AJUBA: variants seen among roughly 807,000 people sequenced by gnomAD.
AJUBA encodes the protein ajuba LIM protein.
AJUBA carries 20 observed loss-of-function variants against 53.3 expected under a neutral mutation model. The observed-to-expected ratio is 0.38, with a 90% CI of 0.26 to 0.55. The LOEUF is 0.55. AJUBA is among the 20% of genes least tolerant of loss of function. The pLI, the probability that AJUBA is intolerant of heterozygous loss-of-function variation, is 0.80. For missense variants in AJUBA, 580 were observed against 730.5 expected (o/e 0.79, Z 2.38); for synonymous variants, 296 against 306.2 (o/e 0.97, Z 0.35).
chr14:22,981,517 C>G lies in AJUBA; in HGVS notation c.750G>C (p.Gly250=), dbSNP rs774548561. ...GTTGCGCCCCCCGTCTCTCCAAGGG[C>G]CCCGCCGCTCCCACTCCGGCCCCGG... is the stretch of plus-strand genomic sequence containing the variant. The part of the protein sequence containing the change: ...ALAGAGVGAA[G]PLERRGAQPG... The change falls in exon 1 of 8, where the codon GGG becomes GGC. Residue 250 remains glycine (G), a synonymous_variant. Coordinates refer to ENST00000262713, the MANE Select transcript of AJUBA (RefSeq NM_032876.6). The G allele has an allele frequency of 3.8e-6, 6 of 1,590,722 alleles. No homozygotes were observed. Among genetic ancestry groups the G allele is most frequent in the African/African-American group, 1.3e-5 (1 of 74,652 alleles).
At chr14:22,973,598 G>A (rs1445768589) in intron 7 of AJUBA, 30 bp from the exon 8 acceptor site, 3 of 1,612,778 alleles carry the variant, frequency 1.9e-6, no homozygotes, top group Non-Finnish European at 1.7e-6. Flanking sequence ...GTTCACCTCA[G>A]CCTAGGCACC....
intron 4 of AJUBA, chr14:22,975,579 G>C (rs1279718027): frequency 6.4e-6 from 1 of 155,416 alleles, no homozygotes; most frequent in Non-Finnish European, 1.4e-5. Context: ...ACTCAGGACT[G>C]GCCGGGCGCG....
Position 22,981,795 on chromosome 14 carries a change from A to G in AJUBA, c.472T>C (p.Cys158Arg), listed in dbSNP as rs1016491249. ...GAGGAGGSRP[C>R]SNRTSGISMG... The stretch of plus-strand genomic sequence containing the variant: ...CTGATGCCGCTGGTGCGATTGCTGC[A>G]GGGCCGGCTACCTCCAGCTCCGCCA... The change falls in exon 1 of 8, where the codon TGC (cysteine) becomes CGC (arginine). Residue 158 changes from cysteine to arginine, a missense_variant. Physicochemically the swap from Cys to Arg is radical, Grantham distance 180 (BLOSUM62 -3). Coordinates refer to ENST00000262713, the MANE Select transcript of AJUBA (RefSeq NM_032876.6). The G allele has an allele frequency of 1.3e-6, 2 of 1,533,838 alleles. No homozygotes were observed. The highest frequency in any genetic ancestry group is 1.7e-6 in the Non-Finnish European group (2 of 1,146,258).
chr14:22,973,258 TA>T lies in AJUBA; in HGVS notation c.*184del. The T allele has an allele frequency of 1.1e-6, 1 of 929,888 alleles. No homozygotes were observed. The highest frequency in any genetic ancestry group is 1.6e-6 in the Non-Finnish European group (1 of 637,996). The allele number at this position is 929,888 out of a possible 1,614,324, so 57.6% of individuals were successfully genotyped here. Reference sequence around the variant, plus strand: ...CCAGTCGCCCCCACCCTGGTAAATATAAGGTTTCTCTTCCACAATCCATTTG... The same window carrying T: ...CCAGTCGCCCCCACCCTGGTAAATATAGGTTTCTCTTCCACAATCCATTTG... On this transcript the variant is annotated 3_prime_UTR_variant, in exon 8 of 8. Transcript: ENST00000262713.
rs2139355032 is a variant in AJUBA at position 22,979,367 on chromosome 14, T to A, written c.1007-922A>T. Among the ~76,000 whole-genome samples the A allele has an allele frequency of 6.6e-6, 1 of 152,330 alleles. No individual in the cohort carries two copies. The highest frequency in any genetic ancestry group is 3.4e-3 in the Middle Eastern group (1 of 294). On this transcript the variant is annotated intron_variant, in intron 1 of 7. Coordinates refer to ENST00000262713, the MANE Select transcript of AJUBA (RefSeq NM_032876.6). This position sits in a 1 kb window ranked among gnomAD's most constrained non-coding sequence, Gnocchi z 4.0. ...GGCACGCTGCCACACTCCCTGCCTG[T>A]TGGGGCCCATCCCAGTCTTTGCCCA... is the stretch of plus-strand genomic sequence containing the variant.
In AJUBA at chr14:22,981,197, G is replaced by C. The variant is rs553730008; in HGVS notation, c.1006+64C>G. 1.6e-5 allele frequency: 24 copies of C among 1,512,562 alleles called. No homozygotes were observed. In the African/African-American group the frequency reaches 2.6e-4, roughly 17 times the overall value. The allele number at this position is 1,512,562 out of a possible 1,614,324, so 93.7% of individuals were successfully genotyped here. A position where few individuals can be genotyped will look rare whatever the true frequency, so the allele number is the denominator to read the frequency against. On this transcript the variant is annotated intron_variant, in intron 1 of 7. Transcript: ENST00000262713. ...GGGGCACCGGCACTTTGGGCCGTCGGGGCAGTGGAGAACCGAATACCGTGA... is the reference window on the plus strand; with the variant it reads ...GGGGCACCGGCACTTTGGGCCGTCGCGGCAGTGGAGAACCGAATACCGTGA...
chr14:22,971,586 C>G lies in AJUBA; in HGVS notation c.*1857G>C, dbSNP rs1566653631. 1 of 152,200 alleles carries G rather than the reference C, an allele frequency of 6.6e-6. No homozygotes were observed. Among genetic ancestry groups the G allele is most frequent in the African/African-American group, 2.4e-5 (1 of 41,452 alleles). 9.4% of individuals were successfully genotyped at this position (152,200 alleles called of 1,614,324 possible). A position where few individuals can be genotyped will look rare whatever the true frequency, so the allele number is the denominator to read the frequency against. ...TCTGCAGCATTTCAAAAGGATTTAGCAGATTCACCCTTTTAGTTATTACTG... is the reference window on the plus strand; with the variant it reads ...TCTGCAGCATTTCAAAAGGATTTAGGAGATTCACCCTTTTAGTTATTACTG... On this transcript the variant is annotated 3_prime_UTR_variant, in exon 8 of 8. Coordinates refer to ENST00000262713, the MANE Select transcript of AJUBA (RefSeq NM_032876.6).
chr14:22,976,334 G>A, intron 4 of AJUBA, 122 bp downstream of exon 4: 1 of 1,033,848 alleles, frequency 9.7e-7, no homozygotes, highest in African/African-American at 1.6e-5. Context: ...GGAGGAATGG[G>A]ATGAAAGTGA....
intron 2 of AJUBA, chr14:22,977,075 G>T: frequency 9.1e-7 from 1 of 1,102,298 alleles, no homozygotes; most frequent in Non-Finnish European, 1.1e-6. Flanking sequence ...GGTGCTATAT[G>T]ATTTGCATAG....
intron 1 of AJUBA, among the ~76,000 whole-genome samples, chr14:22,980,335 A>C (rs1419121920): frequency 6.6e-6 from 1 of 152,128 alleles, no homozygotes; most frequent in East Asian, 1.9e-4. Context: ...ACATATAATC[A>C]ATCAATACTT....
In AJUBA at chr14:22,981,824, C is replaced by A. The variant is rs1224390016; in HGVS notation, c.443G>T (p.Gly148Val). 2 of 1,533,716 alleles carry A rather than the reference C, an allele frequency of 1.3e-6. No individual in the cohort carries two copies. Among genetic ancestry groups the A allele is most frequent in the Non-Finnish European group, 1.7e-6 (2 of 1,146,056 alleles). Reference protein sequence around the residue: ...PRGSLLLDGAGAGGAGGSRPC... With the variant: ...PRGSLLLDGAVAGGAGGSRPC... ...CCGGCTACCTCCAGCTCCGCCAGCC[C>A]CCGCCCCGTCCAGCAGCAGGCTGCC... is the stretch of plus-strand genomic sequence containing the variant. The change falls in exon 1 of 8, where the codon GGG (glycine) becomes GTG (valine). Residue 148 changes from glycine (G) to valine (V), a missense_variant. Gly to Val is a moderately radical substitution (Grantham distance 109, BLOSUM62 -3). Transcript: ENST00000262713.
At position 22,982,196 on chromosome 14, in the gene AJUBA, C is replaced by G. The variant is rs372110586; in HGVS notation, c.71G>C (p.Arg24Pro). The G allele has an allele frequency of 6.2e-7, 1 of 1,613,948 alleles. No individual in the cohort carries two copies. The highest frequency in any genetic ancestry group is 8.5e-7 in the Non-Finnish European group (1 of 1,179,910). Residue 24 changes from arginine to proline, a missense_variant, in exon 1 of 8, where the codon CGG becomes CCG. Physicochemically the swap from Arg to Pro is moderately radical, Grantham distance 103. Around this residue, in one of 2 missense-constraint regions of AJUBA, gnomAD observed 430 missense variants for 471.5 expected, o/e 0.91. Coordinates refer to ENST00000262713, the MANE Select transcript of AJUBA (RefSeq NM_032876.6). Reference sequence around the variant, plus strand: ...CCCGGGGGTCCCGTCAGACCCAGACCGGCTAGATTCACCCTTTCTGCGGCC... The same window carrying G: ...CCCGGGGGTCCCGTCAGACCCAGACGGGCTAGATTCACCCTTTCTGCGGCC... ...KFGRRKGESSRSGSDGTPGPG... is the reference protein window; with the variant it reads ...KFGRRKGESSPSGSDGTPGPG...
chr14:22,978,852 T>A, intron 1 of AJUBA: 1 of 1,261,272 alleles, frequency 7.9e-7, no homozygotes, highest in South Asian at 1.3e-5. Context: ...GCAGCAGACT[T>A]GAAAATACTT....
At position 22,981,610 on chromosome 14, in the gene AJUBA, G is replaced by T; in HGVS notation, c.657C>A (p.Pro219=). 1 of 1,532,194 alleles carries T rather than the reference G, an allele frequency of 6.5e-7. No individual in the cohort carries two copies. The highest frequency in any genetic ancestry group is 2.4e-5 in the East Asian group (1 of 41,582). The allele number at this position is 1,532,194 out of a possible 1,614,324, so 94.9% of individuals were successfully genotyped here. The change falls in exon 1 of 8, where the codon CCC becomes CCA. Residue 219 remains proline, a synonymous_variant. Coordinates refer to ENST00000262713, the MANE Select transcript of AJUBA (RefSeq NM_032876.6). ...AALDRLYAQR[P]AGFGCQESRH... is the part of the protein sequence containing the mutation. ...GGCTTTCCTGGCAGCCGAACCCCGC[G>T]GGCCGCTGAGCGTACAATCGGTCCA...
chr14:22,974,753 T>C (rs941721), intron 6 of AJUBA, 86 bp downstream of exon 6: 573,088 of 1,452,940 alleles, frequency 0.39, 117,371 homozygotes, highest in African/African-American at 0.62. Context: ...CTACCACTTC[T>C]GGCAGGAGGC....
chr14:22,978,608 T>G, intron 1 of AJUBA, 163 bp from the exon 2 acceptor site: 6 of 1,411,756 alleles, frequency 4.3e-6, no homozygotes, highest in Non-Finnish European at 5.6e-6. Flanking sequence ...AGCAAGATCT[T>G]GGCTGAGCAG....
At chr14:22,973,998 T>A (rs1315316028) in intron 7 of AJUBA, 49 bp downstream of exon 7, 2 of 1,608,080 alleles carry the variant, frequency 1.2e-6, no homozygotes, top group Non-Finnish European at 1.7e-6. Context: ...ACTCCTCCCC[T>A]CTCCCCATTT....
intron 2 of AJUBA, chr14:22,977,015 C>T: frequency 7.9e-7 from 1 of 1,267,172 alleles, no homozygotes; most frequent in Non-Finnish European, 1.0e-6. Flanking sequence ...TAGGAAGCCA[C>T]CTGGGAGAGT....
chr14:22,980,737 C>T, intron 1 of AJUBA: 2 of 967,214 alleles, frequency 2.1e-6, no homozygotes, highest in Non-Finnish European at 2.5e-6. Flanking sequence ...GAACCCCACC[C>T]CTCCGCCGCG....
Sources: gnomAD v4.1 joint callset for allele counts (sites outside exome capture counted in the v4.1 genomes callset) on GRCh38, gnomAD v4.1.1 for gene constraint, gnomAD v4.1.1 regional missense constraint, Gnocchi (gnomAD v3.1) non-coding constraint, MANE v1.5 for transcripts, NCBI Gene and HGNC (gene_info 2026-07-23, HGNC 2026-07-21) for gene names.